Variants in NSMAF observed in about 807,000 individuals in gnomAD.
The protein encoded by NSMAF is protein FAN.
In NSMAF, 90 loss-of-function variants were observed where a neutral mutation model predicts 134.9. The ratio of observed to expected loss-of-function variants is 0.67; its 90% confidence interval spans 0.56 to 0.79. The LOEUF is 0.79. Among genes scored for constraint, NSMAF ranks in the 30% least tolerant of loss-of-function variants. The pLI, the probability that NSMAF is intolerant of heterozygous loss-of-function variation, is 0.00. For synonymous variants in NSMAF, 358 were observed against 389.6 expected (o/e 0.92, Z 0.96); for missense variants, 1,010 against 1,119.0 (o/e 0.90, Z 1.39).
At chr8:58,591,117 T>G (rs1170323346) in intron 23 of NSMAF, 183 bp from the exon 24 acceptor site, 2 of 532,714 alleles carry the variant, frequency 3.8e-6, no homozygotes, top group Non-Finnish European at 6.0e-6. Flanking sequence ...ACATTAAGAT[T>G]CTATGACCTG....
chr8:58,631,602 G>C, intron 5 of NSMAF, 56 bp from the exon 6 acceptor site: 3 of 944,390 alleles, frequency 3.2e-6, no homozygotes, highest in Middle Eastern at 2.2e-4. Context: ...TCATTGTAAA[G>C]AGTAACTACA....
chr8:58,603,243 A>T lies in NSMAF; in HGVS notation c.1012T>A (p.Trp338Arg), dbSNP rs1435250809. 6.2e-7 allele frequency: 1 copy of T among 1,614,200 alleles called. No homozygotes were observed. Among genetic ancestry groups the T allele is most frequent in the Non-Finnish European group, 8.5e-7 (1 of 1,180,032 alleles). Reference protein sequence around the residue: ...NDLSQYPVFPWIIHDYSSSEL... With the variant: ...NDLSQYPVFPRIIHDYSSSEL... The stretch of plus-strand genomic sequence containing the variant: ...GAGCTGGAATAATCATGTATTATCC[A>T]TGGAAACACAGGGTACTGGGAGAGG... The change falls in exon 13 of 31, where the codon TGG becomes AGG. Residue 338 changes from tryptophan to arginine, a missense_variant. By Grantham distance (101) the Trp-to-Arg change is moderately radical. Transcript: ENST00000038176.
chr8:58,600,748 A>T (rs1029392629), intron 16 of NSMAF, among the ~76,000 whole-genome samples: 1 of 134,876 alleles, frequency 7.4e-6, no homozygotes, highest in Admixed American at 8.2e-5. Flanking sequence ...AATTTACAAC[A>T]ATTATTATCT....
At chr8:58,592,536 T>C (rs139986925) in intron 23 of NSMAF, among the ~76,000 whole-genome samples, 3 of 148,050 alleles carry the variant, frequency 2.0e-5, no homozygotes, top group Non-Finnish European at 3.0e-5. Context: ...ATATGAATTA[T>C]GAAAATCTAA....
intron 1 of NSMAF, among the ~76,000 whole-genome samples, chr8:58,658,419 G>T (rs1226329701): frequency 1.3e-5 from 2 of 152,196 alleles, no homozygotes; most frequent in Non-Finnish European, 2.9e-5. Flanking sequence ...GTAGAAAAAT[G>T]ACATTTCGTA....
In NSMAF at chr8:58,584,026, A is replaced by C; in HGVS notation, c.*80T>G. ...AAACTTCTAATTACTAACATTGCAC[A>C]TTCACCAGTCCGTTTAAAAGTTTGG... On this transcript the variant is annotated 3_prime_UTR_variant, in exon 31 of 31. Coordinates refer to ENST00000038176, the MANE Select transcript of NSMAF (RefSeq NM_003580.4). 9.2e-7 allele frequency: 1 copy of C among 1,089,604 alleles called. No individual in the cohort carries two copies. The allele number at this position is 1,089,604 out of a possible 1,614,324, so 67.5% of individuals were successfully genotyped here.
At chr8:58,611,800 T>C (rs944355227) in intron 9 of NSMAF, among the ~76,000 whole-genome samples, 3 of 151,922 alleles carry the variant, frequency 2.0e-5, no homozygotes, top group African/African-American at 7.3e-5. Flanking sequence ...AAGGAATATA[T>C]TAAACATACT....
At chr8:58,597,077 C>T (rs1385379159) in intron 21 of NSMAF, among the ~76,000 whole-genome samples, 1 of 152,130 alleles carries the variant, frequency 6.6e-6, no homozygotes, top group African/African-American at 2.4e-5. Flanking sequence ...AGGCAAATAG[C>T]TAAGGATCAA....
chr8:58,605,837 G>A (rs1431174208), intron 12 of NSMAF, 90 bp downstream of exon 12: 38 of 1,319,690 alleles, frequency 2.9e-5, no homozygotes, highest in African/African-American at 2.2e-4. Flanking sequence ...CCGAGATCAC[G>A]CCACTGCACT....
Position 58,652,244 on chromosome 8 carries a change from A to G in NSMAF, c.59+7329T>C, listed in dbSNP as rs78100978. Among the ~76,000 whole-genome samples, 151 of 152,346 alleles carry G rather than the reference A, an allele frequency of 9.9e-4. 3 individuals carry two copies. In the East Asian group the frequency reaches 0.025, roughly 26 times the overall value. On this transcript the variant is annotated intron_variant, in intron 1 of 30. Coordinates refer to ENST00000038176, the MANE Select transcript of NSMAF (RefSeq NM_003580.4). ...CAGAGAAAAGAGAGATTACCTACAA[A>G]GAACAATTAGACTTAACAATATTGG...
chr8:58,620,464 G>C (rs1806761596), intron 9 of NSMAF, among the ~76,000 whole-genome samples: 1 of 152,182 alleles, frequency 6.6e-6, no homozygotes, highest in Admixed American at 6.5e-5. Context: ...ATGTTAAGGT[G>C]TTTAGGCTTT....
chr8:58,602,013 G>T (rs781740813), intron 14 of NSMAF, 45 bp downstream of exon 14: 1 of 1,461,804 alleles, frequency 6.8e-7, no homozygotes, highest in South Asian at 1.2e-5. Flanking sequence ...ACAGGCCATG[G>T]CTTCTCGTGT....
At chr8:58,659,085 G>A in intron 1 of NSMAF, 1 of 498,412 alleles carries the variant, frequency 2.0e-6, no homozygotes, top group South Asian at 2.3e-5. Flanking sequence ...GGTGGTCGCC[G>A]GCCTGCTCGG....
chr8:58,590,111 T>C (rs1331230275), intron 24 of NSMAF, 37 bp from the exon 25 acceptor site: 4 of 1,553,426 alleles, frequency 2.6e-6, no homozygotes, highest in Non-Finnish European at 3.6e-6. Context: ...CAATCTATAA[T>C]AATTAGTAAG....
intron 13 of NSMAF, among the ~76,000 whole-genome samples, chr8:58,602,361 C>A (rs564419820): frequency 6.6e-6 from 1 of 152,224 alleles, no homozygotes; most frequent in South Asian, 2.1e-4. Context: ...TCTAATTTGA[C>A]AATGCCCTGA....
intron 1 of NSMAF, among the ~76,000 whole-genome samples, chr8:58,652,216 A>C (rs951258794): frequency 6.6e-6 from 1 of 152,218 alleles, no homozygotes; most frequent in Non-Finnish European, 1.5e-5. Flanking sequence ...TCTTAAAAGC[A>C]GTCAGAGAAA....
chr8:58,589,166 TAAA>T (rs1285824070), intron 26 of NSMAF, among the ~76,000 whole-genome samples: 1 of 147,934 alleles, frequency 6.8e-6, no homozygotes, highest in Admixed American at 6.8e-5. Context: ...ATTATATAAA[TAAA>T]AATATATAAA....
At position 58,589,973 on chromosome 8, in the gene NSMAF, G is replaced by A. The variant is rs756424969; in HGVS notation, c.2087+34C>T. On this transcript the variant is annotated intron_variant, in intron 25 of 30. Transcript: ENST00000038176. ...GTCCACAGAGGCAGCTATTCTGCACGTCGAATCACAGAGCAGGGTGCACAG... is the reference window on the plus strand; with the variant it reads ...GTCCACAGAGGCAGCTATTCTGCACATCGAATCACAGAGCAGGGTGCACAG... 2.7e-5 allele frequency: 43 copies of A among 1,580,082 alleles called. No homozygotes were observed. In the East Asian group the frequency reaches 7.2e-4, roughly 26 times the overall value.
chr8:58,659,558 C>A lies in NSMAF; in HGVS notation c.59+15G>T, dbSNP rs1192073349. The A allele has an allele frequency of 6.6e-7, 1 of 1,526,200 alleles. No individual in the cohort carries two copies. The highest frequency in any genetic ancestry group is 1.4e-5 in the African/African-American group (1 of 69,578). 94.5% of individuals were successfully genotyped at this position (1,526,200 alleles called of 1,614,324 possible). On this transcript the variant is annotated intron_variant, in intron 1 of 30. Transcript: ENST00000038176. ...CTAGGCCCCCGGCTGGGCCCTTCTT[C>A]AGCTGGGCGCGCACCTCTCCTTGGA...
Sources: gnomAD v4.1 joint callset for allele counts (sites outside exome capture counted in the v4.1 genomes callset) on GRCh38, gnomAD v4.1.1 for gene constraint, MANE v1.5 for transcripts, NCBI Gene and HGNC (gene_info 2026-07-23, HGNC 2026-07-21) for gene names.